RPS6KC1: variants seen among roughly 807,000 people sequenced by gnomAD.
RPS6KC1 encodes ribosomal protein S6 kinase C1.
A neutral mutation model predicts 103.8 loss-of-function variants in RPS6KC1; 54 were observed. The ratio of observed to expected loss-of-function variants is 0.52; its 90% confidence interval spans 0.42 to 0.65. The LOEUF (loss-of-function observed/expected upper bound fraction) is 0.65. Ranked by LOEUF, RPS6KC1 falls within the 30% of genes least tolerant of loss-of-function variation. RPS6KC1 has a pLI of 0.00. For missense variants in RPS6KC1, 1,151 were observed against 1,253.8 expected (o/e 0.92, Z 1.24); for synonymous variants, 439 against 438.7 (o/e 1.00, Z -0.01).
chr1:213,588,523 T>A, the RPS6KC1 span, among the ~76,000 whole-genome samples: 3 of 152,046 alleles, frequency 2.0e-5, no homozygotes, highest in Non-Finnish European at 4.4e-5. Context: ...ATGGTCTTGA[T>A]CTCCTGACCT....
the RPS6KC1 span, among the ~76,000 whole-genome samples, chr1:213,644,184 C>T: frequency 6.4e-3 from 971 of 152,048 alleles, 5 homozygotes; most frequent in Middle Eastern, 0.041. Context: ...TACAAGCAAA[C>T]CCATATATAG....
In RPS6KC1 at chr1:213,205,547, G is replaced by GATAT. The variant is rs764745657; in HGVS notation, c.1045-24933_1045-24930dup. Among the ~76,000 whole-genome samples, 17 of 102,476 alleles carry GATAT rather than the reference G, an allele frequency of 1.7e-4. 2 individuals carry two copies. The highest frequency in any genetic ancestry group is 2.9e-4 in the African/African-American group (8 of 27,342). The allele number at this position is 102,476 out of a possible 152,430, so 67.2% of individuals were successfully genotyped here. On this transcript the variant is annotated intron_variant, in intron 8 of 14. Coordinates refer to ENST00000366960, the MANE Select transcript of RPS6KC1 (RefSeq NM_012424.6). ...AACAACAAACTCATTTATATATATA[G>GATAT]ATATATATATATATATATATTTCAA...
At chr1:213,852,030 C>T in the RPS6KC1 span, among the ~76,000 whole-genome samples, 1 of 152,158 alleles carries the variant, frequency 6.6e-6, no homozygotes, top group Non-Finnish European at 1.5e-5. Context: ...GACCTCTGGG[C>T]TTTCTTTCCC....
chr1:213,309,759 A>C, the RPS6KC1 span, among the ~76,000 whole-genome samples: 46 of 148,736 alleles, frequency 3.1e-4, no homozygotes, highest in African/African-American at 1.0e-3. Flanking sequence ...ATCTCGGCTC[A>C]CTGCAACCTC....
chr1:213,503,462 G>A, the RPS6KC1 span, among the ~76,000 whole-genome samples: 17 of 152,264 alleles, frequency 1.1e-4, no homozygotes, highest in Middle Eastern at 3.4e-3. Context: ...TTCAGCAGGG[G>A]CTCTGGATAA....
intron 8 of RPS6KC1, among the ~76,000 whole-genome samples, chr1:213,204,331 A>G (rs1014472590): frequency 2.0e-5 from 3 of 152,130 alleles, no homozygotes; most frequent in Non-Finnish European, 4.4e-5. Flanking sequence ...TATAATGTCA[A>G]TTTCTTTTAT....
chr1:213,591,626 T>A, the RPS6KC1 span, among the ~76,000 whole-genome samples: 6 of 152,148 alleles, frequency 3.9e-5, no homozygotes, highest in African/African-American at 1.4e-4. Context: ...GGCTCCAACT[T>A]CTCACTTCTT....
chr1:213,621,136 A>T, the RPS6KC1 span, among the ~76,000 whole-genome samples: 474 of 152,274 alleles, frequency 3.1e-3, 2 homozygotes, highest in African/African-American at 0.011. Context: ...CTCTGCCCCC[A>T]CTACTCTCCT....
At chr1:213,688,518 G>T in the RPS6KC1 span, among the ~76,000 whole-genome samples, 14 of 152,202 alleles carry the variant, frequency 9.2e-5, no homozygotes, top group Non-Finnish European at 1.9e-4. Context: ...AAGTAGGAAG[G>T]AATAACCAAG....
the RPS6KC1 span, among the ~76,000 whole-genome samples, chr1:213,640,301 G>A: frequency 2.0e-5 from 3 of 150,656 alleles, no homozygotes; most frequent in African/African-American, 7.3e-5. Flanking sequence ...TCTCTTTTTT[G>A]TCAGTCTTCC....
chr1:213,292,448 C>T, the RPS6KC1 span, among the ~76,000 whole-genome samples: 1 of 152,114 alleles, frequency 6.6e-6, no homozygotes, highest in East Asian at 1.9e-4. Context: ...AAAAGGTCAT[C>T]ACTAAGAAAA....
At chr1:213,364,058 T>TAC in the RPS6KC1 span, among the ~76,000 whole-genome samples, 1 of 152,112 alleles carries the variant, frequency 6.6e-6, no homozygotes, top group Admixed American at 6.5e-5. Flanking sequence ...GAGGGCTAGA[T>TAC]AGTAAATGTT....
the RPS6KC1 span, among the ~76,000 whole-genome samples, chr1:213,403,802 A>G: frequency 5.3e-5 from 8 of 151,752 alleles, no homozygotes; most frequent in African/African-American, 2.0e-4. Context: ...GACACACACC[A>G]TCACACCCAA....
At position 213,274,458 on chromosome 1, in the gene RPS6KC1, T is replaced by G. The variant is rs1157329257; in HGVS notation, c.*1824T>G. 1 of 152,252 alleles carries G rather than the reference T, an allele frequency of 6.6e-6. No homozygotes were observed. Among genetic ancestry groups the G allele is most frequent in the African/African-American group, 2.4e-5 (1 of 41,474 alleles). 9.4% of individuals were successfully genotyped at this position (152,252 alleles called of 1,614,324 possible). A position where few individuals can be genotyped will look rare whatever the true frequency, so the allele number is the denominator to read the frequency against. ...AAGGACATTAATGTCAACAGATGGTTGCCATGTCAGTCTGTTGACACAATT... is the reference window on the plus strand; with the variant it reads ...AAGGACATTAATGTCAACAGATGGTGGCCATGTCAGTCTGTTGACACAATT... On this transcript the variant is annotated 3_prime_UTR_variant, in exon 15 of 15. Transcript: ENST00000366960.
chr1:213,424,206 G>A, the RPS6KC1 span, among the ~76,000 whole-genome samples: 19 of 152,210 alleles, frequency 1.2e-4, no homozygotes, highest in African/African-American at 4.6e-4. Flanking sequence ...AATGCTGAGA[G>A]CTGCTCCTAA....
the RPS6KC1 span, among the ~76,000 whole-genome samples, chr1:213,699,399 T>G: frequency 6.6e-6 from 1 of 152,200 alleles, no homozygotes; most frequent in Non-Finnish European, 1.5e-5. Context: ...GATCTCATTT[T>G]TTAATGGCTA....
chr1:213,552,169 G>A, the RPS6KC1 span, among the ~76,000 whole-genome samples: 1 of 152,224 alleles, frequency 6.6e-6, no homozygotes, highest in Non-Finnish European at 1.5e-5. Context: ...ACATCTGTGT[G>A]CAGGTTTCTG....
chr1:213,153,315 GGGCAGGGGCAGGGGCAGGGGCAGA>G (rs1215907268), intron 6 of RPS6KC1, among the ~76,000 whole-genome samples: 6 of 151,376 alleles, frequency 4.0e-5, no homozygotes, highest in Non-Finnish European at 1.5e-5. Flanking sequence ...GCAGGGGCAG[GGGCAGGGGCAGGGGCAGGGGCAGA>G]GGCAGAGGCA....
the RPS6KC1 span, among the ~76,000 whole-genome samples, chr1:213,616,655 T>TAA: frequency 6.6e-6 from 1 of 152,032 alleles, no homozygotes; most frequent in Non-Finnish European, 1.5e-5. Flanking sequence ...TAAAAAATAA[T>TAA]AAAATCCAGA....
Sources: gnomAD v4.1 joint callset for allele counts (sites outside exome capture counted in the v4.1 genomes callset) on GRCh38, gnomAD v4.1.1 for gene constraint, MANE v1.5 for transcripts, NCBI Gene and HGNC (gene_info 2026-07-23, HGNC 2026-07-21) for gene names.